Variants in ARHGAP24 observed in about 807,000 individuals in gnomAD.
ARHGAP24 encodes the protein Rho GTPase activating protein 24.
A neutral mutation model predicts 76.4 loss-of-function variants in ARHGAP24; 50 were observed. That is an observed-to-expected ratio of 0.65 (90% CI 0.52 to 0.83). The LOEUF (loss-of-function observed/expected upper bound fraction) is 0.83. Ranked by LOEUF, ARHGAP24 falls within the 40% of genes least tolerant of loss-of-function variation. The pLI is 0.00. For missense variants in ARHGAP24, 930 were observed against 914.2 expected, an observed-to-expected ratio of 1.02 and a Z score of -0.22; for synonymous variants, 345 against 323.3, an observed-to-expected ratio of 1.07 and a Z score of -0.72.
chr4:85,968,242 GGGGTT>G (rs1250879355), intron 5 of ARHGAP24, among the ~76,000 whole-genome samples: 1 of 151,980 alleles, frequency 6.6e-6, no homozygotes, highest in African/African-American at 2.4e-5. Flanking sequence ...TACCCTAAAT[GGGGTT>G]AATAGCATAA....
intron 3 of ARHGAP24, among the ~76,000 whole-genome samples, chr4:85,882,190 A>T (rs548906372): frequency 3.0e-4 from 45 of 152,256 alleles, no homozygotes; most frequent in Non-Finnish European, 5.1e-4. Flanking sequence ...GATATATTTG[A>T]GTTCCAAATC....
intron 2 of ARHGAP24, among the ~76,000 whole-genome samples, chr4:85,648,800 T>C (rs1427081659): frequency 6.6e-6 from 1 of 152,134 alleles, no homozygotes; most frequent in Non-Finnish European, 1.5e-5. Context: ...TTATTTTTCT[T>C]TCTGGAAATG....
At chr4:85,648,198 G>A (rs59051404) in intron 2 of ARHGAP24, among the ~76,000 whole-genome samples, 45,263 of 151,938 alleles carry the variant, frequency 0.3, 8,150 homozygotes, top group East Asian at 0.84. Context: ...ACGCCAGATC[G>A]GAGGGGGAGC....
chr4:85,560,007 T>C (rs1726531111), intron 1 of ARHGAP24, among the ~76,000 whole-genome samples: 1 of 152,196 alleles, frequency 6.6e-6, no homozygotes, highest in Non-Finnish European at 1.5e-5. Context: ...TGGTTGTGAC[T>C]GCCTAGAGTA....
intron 3 of ARHGAP24, among the ~76,000 whole-genome samples, chr4:85,729,305 A>G (rs1725299780): frequency 6.6e-6 from 1 of 152,248 alleles, no homozygotes; most frequent in African/African-American, 2.4e-5. Context: ...TGAAAGCAGC[A>G]TGTATTAACT....
At chr4:85,538,197 G>C (rs1279934866) in intron 1 of ARHGAP24, among the ~76,000 whole-genome samples, 1 of 152,108 alleles carries the variant, frequency 6.6e-6, no homozygotes, top group Non-Finnish European at 1.5e-5. Flanking sequence ...TAAACACTCA[G>C]ATCTGAAATA....
At position 85,994,658 on chromosome 4, in the gene ARHGAP24, T is replaced by A. The variant is rs533334249; in HGVS notation, c.1004T>A (p.Leu335Gln). ...TGCCTCTTTCCCAAAGATGCAGAAC[T>A]ACAAAGCAAGCCCCAAGATGGAGTG... is the stretch of plus-strand genomic sequence containing the variant. ...HDCLFPKDAELQSKPQDGVSN... is the reference protein window; with the variant it reads ...HDCLFPKDAEQQSKPQDGVSN... The change falls in exon 9 of 10, where the codon CTA becomes CAA. Residue 335 changes from leucine to glutamine, a missense_variant. Transcript: ENST00000395184. The A allele has an allele frequency of 6.2e-7, 1 of 1,614,154 alleles. No individual in the cohort carries two copies. Among genetic ancestry groups the A allele is most frequent in the African/African-American group, 1.3e-5 (1 of 75,030 alleles).
At position 85,612,215 on chromosome 4, in the gene ARHGAP24, G is replaced by C. The variant is rs543340376; in HGVS notation, c.180+41494G>C. Among the ~76,000 whole-genome samples the C allele has an allele frequency of 1.6e-3, 238 of 152,030 alleles. 1 individual carries two copies. The highest frequency in any genetic ancestry group is 5.6e-3 in the African/African-American group (232 of 41,472). On this transcript the variant is annotated intron_variant, in intron 2 of 9. Coordinates refer to ENST00000395184, the MANE Select transcript of ARHGAP24 (RefSeq NM_001025616.3). The stretch of plus-strand genomic sequence containing the variant: ...GGGTGGATCACAAAGTCAGGAGATT[G>C]AGACCAACCTGGCTAACATGGTGAA...
chr4:85,803,960 T>C (rs1728684662), intron 3 of ARHGAP24, among the ~76,000 whole-genome samples: 1 of 151,622 alleles, frequency 6.6e-6, no homozygotes, highest in Non-Finnish European at 1.5e-5. Context: ...TTTTCTTTTT[T>C]TTTTTCCTCG....
intron 3 of ARHGAP24, among the ~76,000 whole-genome samples, chr4:85,765,636 C>T (rs1005300068): frequency 2.0e-5 from 3 of 152,026 alleles, no homozygotes; most frequent in African/African-American, 7.2e-5. Flanking sequence ...TTACTACTTA[C>T]TTGAAGTTTC....
chr4:85,831,047 T>A (rs1729970988), intron 3 of ARHGAP24, among the ~76,000 whole-genome samples: 1 of 152,186 alleles, frequency 6.6e-6, no homozygotes, highest in Non-Finnish European at 1.5e-5. Context: ...CCCACTAAAG[T>A]CATTATATCA....
At chr4:85,513,621 A>G (rs1724371905) in intron 1 of ARHGAP24, among the ~76,000 whole-genome samples, 1 of 152,076 alleles carries the variant, frequency 6.6e-6, no homozygotes, top group South Asian at 2.1e-4. Flanking sequence ...TTCTTTGACT[A>G]CTAAAGACAG....
intron 3 of ARHGAP24, among the ~76,000 whole-genome samples, chr4:85,836,916 A>C (rs1357831726): frequency 7.9e-5 from 12 of 152,204 alleles, no homozygotes; most frequent in Admixed American, 7.2e-4. Flanking sequence ...TTGTACATTA[A>C]AGTTTCAGAA....
At chr4:85,528,300 A>G (rs1014057242) in intron 1 of ARHGAP24, among the ~76,000 whole-genome samples, 1 of 152,150 alleles carries the variant, frequency 6.6e-6, no homozygotes, top group Admixed American at 6.6e-5. Flanking sequence ...CATAGAAGGC[A>G]AGAAAAAAAT....
At chr4:85,742,066 G>A (rs985087584) in intron 3 of ARHGAP24, among the ~76,000 whole-genome samples, 4 of 152,180 alleles carry the variant, frequency 2.6e-5, no homozygotes, top group African/African-American at 4.8e-5. Flanking sequence ...GACCAGTCAC[G>A]AAGGAGCTGG....
chr4:85,662,902 G>T (rs542616262), intron 2 of ARHGAP24, among the ~76,000 whole-genome samples: 1 of 152,222 alleles, frequency 6.6e-6, no homozygotes, highest in South Asian at 2.1e-4. Context: ...CCAGTACCAT[G>T]CTGTTTTGGT....
intron 3 of ARHGAP24, among the ~76,000 whole-genome samples, chr4:85,746,031 G>C (rs568178485): frequency 6.6e-6 from 1 of 152,148 alleles, no homozygotes; most frequent in South Asian, 2.1e-4. Flanking sequence ...AAGTCAAGTC[G>C]GGGTAGGTTT....
At chr4:85,722,114 A>G (rs1724967814) in intron 3 of ARHGAP24, 142 bp downstream of exon 3, 3 of 727,686 alleles carry the variant, frequency 4.1e-6, no homozygotes, top group Non-Finnish European at 7.1e-6. Flanking sequence ...GCAGATAATG[A>G]CTGCAGGTTT....
intron 3 of ARHGAP24, among the ~76,000 whole-genome samples, chr4:85,850,023 G>C (rs571980301): frequency 1.3e-5 from 2 of 152,252 alleles, no homozygotes; most frequent in East Asian, 3.9e-4. Context: ...AGAAGAAATG[G>C]TACCAGCTTC....
Sources: allele counts gnomAD v4.1 joint callset (sites outside exome capture counted in the v4.1 genomes callset), GRCh38; gene constraint gnomAD v4.1.1; transcripts MANE v1.5; gene names NCBI Gene and HGNC (gene_info 2026-07-23, HGNC 2026-07-21).